The following DISP1 variants were observed in gnomAD, a reference collection of about 807,000 sequenced individuals.
DISP1 encodes protein dispatched homolog 1.
DISP1 carries 30 observed loss-of-function variants against 37.3 expected under a neutral mutation model. The ratio of observed to expected loss-of-function variants is 0.80; its 90% CI spans 0.60 to 1.09. The LOEUF is 1.09. Among genes scored for constraint, DISP1 ranks in the 50% least tolerant of loss-of-function variants. The pLI is 0.00. For missense variants in DISP1, 1,598 were observed against 1,879.5 expected, an observed-to-expected ratio of 0.85 and a Z score of 2.77; for synonymous variants, 634 against 690.2, an observed-to-expected ratio of 0.92 and a Z score of 1.28.
intron 3 of DISP1, among the ~76,000 whole-genome samples, chr1:222,946,217 C>CAAA (rs11330653): frequency 0.02 from 2,566 of 127,912 alleles, 99 homozygotes; most frequent in African/African-American, 0.072. Context: ...ACTAAAAATA[C>CAAA]AAAAAAAAAA....
At chr1:222,853,337 G>A (rs548397222) in intron 1 of DISP1, among the ~76,000 whole-genome samples, 34 of 152,282 alleles carry the variant, frequency 2.2e-4, no homozygotes, top group Middle Eastern at 3.4e-3. Context: ...AGAACAGTAT[G>A]GAGCTTCCTC....
At chr1:222,954,800 G>A (rs775745186) in intron 3 of DISP1, among the ~76,000 whole-genome samples, 20 of 152,014 alleles carry the variant, frequency 1.3e-4, no homozygotes, top group Non-Finnish European at 2.8e-4. Flanking sequence ...CTTGAGCCCA[G>A]GAGTTCAAGA....
In DISP1 at chr1:222,985,347, C is replaced by T. The variant is rs866291757; in HGVS notation, c.539+2238C>T. 2.4e-4 allele frequency among the ~76,000 whole-genome samples: 36 copies of T among 152,146 alleles called. 1 individual carries two copies. The highest frequency in any genetic ancestry group is 8.4e-4 in the African/African-American group (35 of 41,432). On this transcript the variant is annotated intron_variant, in intron 4 of 8. Transcript: ENST00000675850. ...AATTCACAAAACATTTCATCTGTAC[C>T]CCTCTAAAAAACACATATTTTTGGC...
chr1:222,930,117 G>A (rs1487117445), intron 2 of DISP1, among the ~76,000 whole-genome samples: 1 of 152,138 alleles, frequency 6.6e-6, no homozygotes, highest in Admixed American at 6.5e-5. Flanking sequence ...TTGCCTTGCA[G>A]TTTATATTGA....
At chr1:222,961,023 G>T (rs375369389) in intron 3 of DISP1, among the ~76,000 whole-genome samples, 1 of 152,148 alleles carries the variant, frequency 6.6e-6, no homozygotes, top group East Asian at 1.9e-4. Context: ...ATTCACAGCC[G>T]AATTTTACCA....
At position 223,002,472 on chromosome 1, in the gene DISP1, G is replaced by T; in HGVS notation, c.1075G>T (p.Ala359Ser). ...CAGCTGGACACTGGGAAACTACATCGCCATTCTGAACAATAGATCGTCCTG... is the reference window on the plus strand; with the variant it reads ...CAGCTGGACACTGGGAAACTACATCTCCATTCTGAACAATAGATCGTCCTG... ...CPSWTLGNYIAILNNRSSCQK... is the reference protein window; with the variant it reads ...CPSWTLGNYISILNNRSSCQK... Residue 359 changes from alanine to serine, a missense_variant, in exon 9 of 9, where the codon GCC becomes TCC. By Grantham distance (99) the Ala-to-Ser change is moderately conservative. Coordinates refer to ENST00000675850, the MANE Select transcript of DISP1 (RefSeq NM_001377229.1). 6.2e-7 allele frequency: 1 copy of T among 1,614,096 alleles called. No homozygotes were observed. The highest frequency in any genetic ancestry group is 8.5e-7 in the Non-Finnish European group (1 of 1,180,008).
chr1:222,846,610 A>G (rs1400293568), intron 1 of DISP1, among the ~76,000 whole-genome samples: 1 of 152,254 alleles, frequency 6.6e-6, no homozygotes, highest in Non-Finnish European at 1.5e-5. Flanking sequence ...TTTAGAGACA[A>G]TGAATTGGAT....
At chr1:222,965,213 G>T (rs997040881) in intron 3 of DISP1, among the ~76,000 whole-genome samples, 1 of 152,088 alleles carries the variant, frequency 6.6e-6, no homozygotes, top group African/African-American at 2.4e-5. Context: ...GGCTTTGGGT[G>T]ACTTCTTTAA....
intron 7 of DISP1, 32 bp from the exon 8 acceptor site, chr1:222,994,852 CT>C: frequency 1.3e-6 from 2 of 1,481,874 alleles, no homozygotes; most frequent in Non-Finnish European, 9.4e-7. Context: ...ATTTATAAAC[CT>C]TTTTCTTTCC....
At chr1:222,829,092 A>G (rs1665120123) in intron 1 of DISP1, among the ~76,000 whole-genome samples, 1 of 152,200 alleles carries the variant, frequency 6.6e-6, no homozygotes, top group African/African-American at 2.4e-5. Context: ...AGGACTTCCA[A>G]AAAGCACTTT....
chr1:222,956,468 T>C (rs377202909), intron 3 of DISP1, among the ~76,000 whole-genome samples: 2 of 152,200 alleles, frequency 1.3e-5, no homozygotes, highest in Non-Finnish European at 2.9e-5. Context: ...GGATCTTTGT[T>C]TTTTAGGTAT....
chr1:222,963,300 T>C (rs936325542), intron 3 of DISP1, among the ~76,000 whole-genome samples: 6 of 152,166 alleles, frequency 3.9e-5, no homozygotes, highest in South Asian at 2.1e-4. Flanking sequence ...TGTGGAGAAG[T>C]AGGAACACTT....
intron 1 of DISP1, among the ~76,000 whole-genome samples, chr1:222,877,412 T>A (rs1225389226): frequency 6.6e-6 from 1 of 152,054 alleles, no homozygotes; most frequent in African/African-American, 2.4e-5. Flanking sequence ...AACCATCAGA[T>A]CTCATGAGAC....
chr1:222,909,831 C>G (rs36062949), intron 1 of DISP1, among the ~76,000 whole-genome samples: 2 of 151,968 alleles, frequency 1.3e-5, no homozygotes, highest in African/African-American at 4.8e-5. Flanking sequence ...TCTCAGGAGA[C>G]GGTGGAGCTC....
At chr1:222,977,116 G>A (rs1034487739) in intron 3 of DISP1, among the ~76,000 whole-genome samples, 20 of 152,048 alleles carry the variant, frequency 1.3e-4, no homozygotes, top group African/African-American at 4.3e-4. Flanking sequence ...CGCAACCTCC[G>A]CCTCCCAGGT....
chr1:222,925,889 T>G (rs2125448647), intron 1 of DISP1, among the ~76,000 whole-genome samples: 1 of 152,338 alleles, frequency 6.6e-6, no homozygotes, highest in South Asian at 2.1e-4. Context: ...GTCTAATGAC[T>G]GGAACTTTAT....
At chr1:222,907,857 G>A (rs1671988979) in intron 1 of DISP1, among the ~76,000 whole-genome samples, 1 of 152,168 alleles carries the variant, frequency 6.6e-6, no homozygotes, top group South Asian at 2.1e-4. Context: ...GCTGAGGCAG[G>A]AGAATTGCTT....
intron 3 of DISP1, among the ~76,000 whole-genome samples, chr1:222,949,511 T>G (rs1339917859): frequency 6.6e-6 from 1 of 152,250 alleles, no homozygotes; most frequent in Admixed American, 6.5e-5. Context: ...GCTTTAGATT[T>G]CATTTTAAAG....
In DISP1 at chr1:222,968,556, G is replaced by T. The variant is rs531536613; in HGVS notation, c.510-14524G>T. ...GAAATTCAATCCCATAGCTGCACAA[G>T]TGTGCCATGATTAGCTATTATTTTT... On this transcript the variant is annotated intron_variant, in intron 3 of 8. Coordinates refer to ENST00000675850, the MANE Select transcript of DISP1 (RefSeq NM_001377229.1). 4.6e-5 allele frequency among the ~76,000 whole-genome samples: 7 copies of T among 152,274 alleles called. No individual in the cohort carries two copies. In the South Asian group the frequency reaches 6.2e-4, roughly 14 times the overall value.
Sources: gnomAD v4.1 joint callset for allele counts (sites outside exome capture counted in the v4.1 genomes callset) on GRCh38, gnomAD v4.1.1 for gene constraint, MANE v1.5 for transcripts, NCBI Gene and HGNC (gene_info 2026-07-23, HGNC 2026-07-21) for gene names.